Variants in CFAP20DC observed in about 807,000 individuals in gnomAD.
CFAP20DC encodes CFAP20 domain containing.
CFAP20DC carries 84 observed loss-of-function variants against 101.7 expected under a neutral mutation model. The observed-to-expected ratio is 0.83, with a 90% CI of 0.69 to 0.99. The LOEUF (loss-of-function observed/expected upper bound fraction) is 0.99, where lower values mean the gene tolerates loss of function less well. Among genes scored for constraint, CFAP20DC ranks in the 50% least tolerant of loss-of-function variants. The pLI is 0.00. For synonymous variants in CFAP20DC, 359 were observed against 351.2 expected (o/e 1.02, Z -0.25); for missense variants, 1,007 against 970.3 (o/e 1.04, Z -0.50).
chr3:58,736,395 C>T (rs2067756892), intron 3 of CFAP20DC, among the ~76,000 whole-genome samples: 1 of 152,042 alleles, frequency 6.6e-6, no homozygotes, highest in Admixed American at 6.6e-5. Flanking sequence ...GTTTATGAAG[C>T]CATAAAGCAA....
intron 13 of CFAP20DC, among the ~76,000 whole-genome samples, chr3:58,848,544 C>T (rs963873271): frequency 6.6e-6 from 1 of 151,982 alleles, no homozygotes; most frequent in South Asian, 2.1e-4. Context: ...CCAAACTAGC[C>T]GAGGGATTTA....
At chr3:58,811,843 C>A (rs947768988) in intron 14 of CFAP20DC, among the ~76,000 whole-genome samples, 8 of 150,022 alleles carry the variant, frequency 5.3e-5, no homozygotes, top group Admixed American at 2.0e-4. Context: ...TACAATGAGC[C>A]CAAACAAATT....
chr3:58,905,216 A>G (rs2083478115), intron 6 of CFAP20DC, among the ~76,000 whole-genome samples: 1 of 152,156 alleles, frequency 6.6e-6, no homozygotes, highest in South Asian at 2.1e-4. Context: ...ATGGATCATC[A>G]TTTGATCTTC....
In CFAP20DC at chr3:58,868,082, T is replaced by G. The variant is rs1001048317; in HGVS notation, c.1016-146A>C. On this transcript the variant is annotated intron_variant, in intron 9 of 16. Transcript: ENST00000482387. This position sits in a 1 kb window ranked among gnomAD's most constrained non-coding sequence, Gnocchi z 4.6. ...AAGATACATCAAAAATACAACTTCA[T>G]AGAAAATAGGCATTTATTCCTATTC... 1.0e-6 allele frequency: 1 copy of G among 957,042 alleles called. No homozygotes were observed. Among genetic ancestry groups the G allele is most frequent in the Non-Finnish European group, 1.5e-6 (1 of 679,204 alleles). 59.3% of individuals were successfully genotyped at this position (957,042 alleles called of 1,614,324 possible).
chr3:58,844,658 G>A (rs1341215278), intron 13 of CFAP20DC, among the ~76,000 whole-genome samples: 39 of 122,992 alleles, frequency 3.2e-4, no homozygotes, highest in Admixed American at 6.3e-4. Context: ...TGCACCAAGC[G>A]GACCTAATAG....
Position 58,899,139 on chromosome 3 carries a change from T to C in CFAP20DC, c.551-14430A>G, listed in dbSNP as rs1056874587. Reference sequence around the variant, plus strand: ...TGTAGGAGGAGGCTGGAGACCCCTGTTGGGAGGTCTCATCCAGTCAGGAGT... The same window carrying C: ...TGTAGGAGGAGGCTGGAGACCCCTGCTGGGAGGTCTCATCCAGTCAGGAGT... On this transcript the variant is annotated intron_variant, in intron 6 of 16. Transcript: ENST00000482387. The surrounding 1 kb of genome is among the most constrained non-coding windows in gnomAD (Gnocchi z 5.0). Among the ~76,000 whole-genome samples the C allele has an allele frequency of 1.3e-5, 2 of 152,168 alleles. No homozygotes were observed. Among genetic ancestry groups the C allele is most frequent in the Admixed American group, 1.3e-4 (2 of 15,280 alleles).
In CFAP20DC at chr3:58,869,357, T is replaced by C; in HGVS notation, c.986A>G (p.His329Arg). 10 of 1,613,658 alleles carry C rather than the reference T, an allele frequency of 6.2e-6. No individual in the cohort carries two copies. Among genetic ancestry groups the C allele is most frequent in the Non-Finnish European group, 8.5e-6 (10 of 1,179,698 alleles). Residue 329 changes from histidine (H) to arginine (R), a missense_variant, in exon 9 of 17, where the codon CAC (histidine) becomes CGC (arginine). Coordinates refer to ENST00000482387, the MANE Select transcript of CFAP20DC (RefSeq NM_001394063.1). This position sits in a 1 kb window ranked among gnomAD's most constrained non-coding sequence, Gnocchi z 4.3. Reference sequence around the variant, plus strand: ...AATAGGTACAGTCTGCTTTATTTGGTGAATATTTTCTTTATTTCCTTGTTC... The same window carrying C: ...AATAGGTACAGTCTGCTTTATTTGGCGAATATTTTCTTTATTTCCTTGTTC... The part of the protein sequence containing the change: ...SEEQGNKENI[H>R]QIKQTVPIHA...
rs146577630 is a variant in CFAP20DC at position 59,039,664 on chromosome 3, G to A, written c.206-35C>T. 2,298 of 1,335,924 alleles carry A rather than the reference G, an allele frequency of 1.7e-3. 44 individuals are homozygous for A. In the South Asian group the frequency reaches 0.022, roughly 13 times the overall value. 82.8% of individuals were successfully genotyped at this position (1,335,924 alleles called of 1,614,324 possible). On this transcript the variant is annotated intron_variant, in intron 3 of 16. Coordinates refer to ENST00000482387, the MANE Select transcript of CFAP20DC (RefSeq NM_001394063.1). ...AGAGGAAATACACATTCAAATGTTCGAAGCATTTATATGTGCATATAAACA... is the reference window on the plus strand; with the variant it reads ...AGAGGAAATACACATTCAAATGTTCAAAGCATTTATATGTGCATATAAACA...
At position 58,863,582 on chromosome 3, in the gene CFAP20DC, A is replaced by G; in HGVS notation, c.1569T>C (p.Phe523=). The G allele has an allele frequency of 6.2e-7, 1 of 1,614,184 alleles. No homozygotes were observed. Among genetic ancestry groups the G allele is most frequent in the Admixed American group, 1.7e-5 (1 of 60,022 alleles). Residue 523 remains phenylalanine, a synonymous_variant, in exon 12 of 17, where the codon TTT becomes TTC. Transcript: ENST00000482387. The surrounding 1 kb of genome is among the most constrained non-coding windows in gnomAD (Gnocchi z 5.9). ...TSRDTQSEDD[F]YGGDSSEEGN... ...CCTCTTCACTGCTGTCGCCGCCGTA[A>G]AAATCATCCTCTGATTGGGTGTCTC...
chr3:58,828,135 G>A (rs2076166454), intron 14 of CFAP20DC, among the ~76,000 whole-genome samples: 1 of 152,116 alleles, frequency 6.6e-6, no homozygotes, highest in Non-Finnish European at 1.5e-5. Flanking sequence ...GATCATGGGG[G>A]CTCCTGTATG....
At chr3:58,867,482 A>G (rs191439555) in intron 10 of CFAP20DC, among the ~76,000 whole-genome samples, 19 of 152,364 alleles carry the variant, frequency 1.2e-4, no homozygotes, top group Admixed American at 1.2e-3. Context: ...AAAAATTACA[A>G]TAAAGTTCCA....
chr3:58,919,001 C>CA (rs985650260), intron 5 of CFAP20DC, among the ~76,000 whole-genome samples: 2 of 152,080 alleles, frequency 1.3e-5, no homozygotes, highest in Admixed American at 6.6e-5. Context: ...GGATAGAATT[C>CA]AATTAGTTTT....
intron 7 of CFAP20DC, 62 bp from the exon 8 acceptor site, chr3:58,870,371 G>T: frequency 6.6e-7 from 1 of 1,525,914 alleles, no homozygotes; most frequent in Admixed American, 1.7e-5. Context: ...ACATCACACT[G>T]CAATCTTTCT....
intron 14 of CFAP20DC, among the ~76,000 whole-genome samples, chr3:58,821,701 T>A (rs1388964620): frequency 6.6e-6 from 1 of 151,660 alleles, no homozygotes; most frequent in African/African-American, 2.4e-5. Context: ...TTGCTGGGAC[T>A]GTAAACTAGT....
intron 4 of CFAP20DC, 82 bp from the exon 5 acceptor site, chr3:58,937,844 A>G: frequency 1.3e-6 from 1 of 791,922 alleles, no homozygotes; most frequent in African/African-American, 1.7e-5. Context: ...AAATGATATA[A>G]TTTATCATAC....
chr3:58,864,237 A>T lies in CFAP20DC; in HGVS notation c.1259-345T>A, dbSNP rs142608286. ...CTCCCAAAAAGCTGGGATTACAGGC[A>T]TGAGCCACCGCGCCTGGCCAAAAGT... On this transcript the variant is annotated intron_variant, in intron 11 of 16. Coordinates refer to ENST00000482387, the MANE Select transcript of CFAP20DC (RefSeq NM_001394063.1). The surrounding 1 kb of genome is among the most constrained non-coding windows in gnomAD (Gnocchi z 4.7). 0.011 allele frequency among the ~76,000 whole-genome samples: 1,622 copies of T among 152,312 alleles called. 32 individuals are homozygous for T. Among genetic ancestry groups the T allele is most frequent in the African/African-American group, 0.037 (1,535 of 41,576 alleles).
At chr3:58,906,496 C>A (rs192692740) in intron 6 of CFAP20DC, among the ~76,000 whole-genome samples, 182 of 152,304 alleles carry the variant, frequency 1.2e-3, no homozygotes, top group African/African-American at 4.1e-3. Flanking sequence ...CCATACTGAA[C>A]TTGTTCCTTG....
chr3:58,795,246 T>C lies in CFAP20DC; in HGVS notation c.2237+11149A>G, dbSNP rs1269790713. ...TTGGTAATTACCTTCTTTAACTGGA[T>C]TGTGGGCCAAAGGTAATCTGAGTTC... On this transcript the variant is annotated intron_variant, in intron 15 of 16. Coordinates refer to ENST00000482387, the MANE Select transcript of CFAP20DC (RefSeq NM_001394063.1). The surrounding 1 kb of genome is among the most constrained non-coding windows in gnomAD (Gnocchi z 4.2). 2.0e-5 allele frequency among the ~76,000 whole-genome samples: 3 copies of C among 152,188 alleles called. No individual in the cohort carries two copies. Among genetic ancestry groups the C allele is most frequent in the African/African-American group, 7.2e-5 (3 of 41,442 alleles).
intron 12 of CFAP20DC, among the ~76,000 whole-genome samples, chr3:58,854,537 G>A (rs1226807522): frequency 2.6e-5 from 4 of 151,088 alleles, no homozygotes; most frequent in South Asian, 2.1e-4. Context: ...AGTCAATCCT[G>A]AGCCAAAAGA....
Sources: gnomAD v4.1 joint callset for allele counts (sites outside exome capture counted in the v4.1 genomes callset) on GRCh38, gnomAD v4.1.1 for gene constraint, Gnocchi (gnomAD v3.1) non-coding constraint, MANE v1.5 for transcripts, NCBI Gene and HGNC (gene_info 2026-07-23, HGNC 2026-07-21) for gene names.